The following RAB35 variants were observed in gnomAD, a reference collection of about 807,000 sequenced individuals.
RAB35 encodes RAB35, member RAS oncogene family.
In RAB35, 4 loss-of-function variants were observed where a neutral mutation model predicts 28.9. The ratio of observed to expected loss-of-function variants is 0.14; its 90% CI spans 0.07 to 0.32. The LOEUF (loss-of-function observed/expected upper bound fraction) is 0.32. Among genes scored for constraint, RAB35 ranks in the 10% least tolerant of loss-of-function variants. The pLI is 1.00. For missense variants in RAB35, 128 were observed against 274.0 expected, an observed-to-expected ratio of 0.47 and a Z score of 3.76; for synonymous variants, 99 against 105.1, an observed-to-expected ratio of 0.94 and a Z score of 0.35.
rs1566280910 is a variant in RAB35 at position 120,097,187 on chromosome 12, G to A, written c.*58C>T. The A allele has an allele frequency of 8.7e-6, 14 of 1,613,714 alleles. No individual in the cohort carries two copies. Among genetic ancestry groups the A allele is most frequent in the African/African-American group, 4.0e-5 (3 of 74,920 alleles). ...TGAGACTGTCCCCCGAGGAACCTCC[G>A]TGGGCCTCGGGCTGGGGGAGGGACC... On this transcript the variant is annotated 3_prime_UTR_variant, in exon 6 of 6. Coordinates refer to ENST00000229340, the MANE Select transcript of RAB35 (RefSeq NM_006861.7).
intron 3 of RAB35, among the ~76,000 whole-genome samples, chr12:120,101,475 G>C (rs1245874697): frequency 1.3e-5 from 2 of 152,184 alleles, no homozygotes; most frequent in African/African-American, 4.8e-5. Context: ...TGACCACAAG[G>C]CTTTTTCTCG....
At chr12:120,113,191 C>CT (rs545607204) in intron 1 of RAB35, among the ~76,000 whole-genome samples, 3,429 of 132,074 alleles carry the variant, frequency 0.026, 59 homozygotes, top group Non-Finnish European at 0.036. Context: ...TGTGCCCGGC[C>CT]TTTTTTTTTT....
At chr12:120,098,028 C>G (rs1451506355) in intron 5 of RAB35, among the ~76,000 whole-genome samples, 1 of 151,998 alleles carries the variant, frequency 6.6e-6, no homozygotes, top group African/African-American at 2.4e-5. Context: ...GGACTACAGG[C>G]GCCCACCACC....
rs1875376992 is a variant in RAB35, at chr12:120,096,094, G to C, written c.*1151C>G. 3.8e-6 allele frequency: 1 copy of C among 265,038 alleles called. No individual in the cohort carries two copies. Among genetic ancestry groups the C allele is most frequent in the African/African-American group, 2.3e-5 (1 of 44,006 alleles). The allele number at this position is 265,038 out of a possible 1,614,324, so 16.4% of individuals were successfully genotyped here. On this transcript the variant is annotated 3_prime_UTR_variant, in exon 6 of 6. Coordinates refer to ENST00000229340, the MANE Select transcript of RAB35 (RefSeq NM_006861.7). ...GCTACCTTTGTCCTGACAAAGGTTAGGACAGTGACCAGGGCCTGTCCATGG... is the reference window on the plus strand; with the variant it reads ...GCTACCTTTGTCCTGACAAAGGTTACGACAGTGACCAGGGCCTGTCCATGG...
chr12:120,104,659 G>C (rs781312422), intron 2 of RAB35, among the ~76,000 whole-genome samples: 2 of 152,158 alleles, frequency 1.3e-5, no homozygotes, highest in Non-Finnish European at 2.9e-5. Flanking sequence ...TTTTGGTGGG[G>C]GGGGGACAGC....
intron 1 of RAB35, among the ~76,000 whole-genome samples, chr12:120,109,345 C>T (rs113901290): frequency 0.018 from 2,692 of 152,172 alleles, 77 homozygotes; most frequent in African/African-American, 0.061. Context: ...CCCAGCTACT[C>T]GGGAGACTGA....
At chr12:120,110,548 T>C (rs1232116969) in intron 1 of RAB35, among the ~76,000 whole-genome samples, 1 of 152,078 alleles carries the variant, frequency 6.6e-6, no homozygotes, top group Non-Finnish European at 1.5e-5. Context: ...AGCCACTGCA[T>C]TTGGCTCCAC....
intron 1 of RAB35, among the ~76,000 whole-genome samples, chr12:120,112,319 C>T (rs2139062581): frequency 1.3e-5 from 2 of 152,206 alleles, no homozygotes; most frequent in Middle Eastern, 6.8e-3. Flanking sequence ...CCACGCAAGC[C>T]ACACACATGT....
At chr12:120,108,777 G>A (rs781106856) in intron 1 of RAB35, 12 of 529,756 alleles carry the variant, frequency 2.3e-5, no homozygotes, top group Non-Finnish European at 3.5e-5. Context: ...GATGCCAGAC[G>A]ACAAAGCAGA....
At chr12:120,107,286 T>A (rs1321871161) in intron 2 of RAB35, among the ~76,000 whole-genome samples, 2 of 152,148 alleles carry the variant, frequency 1.3e-5, no homozygotes, top group Non-Finnish European at 2.9e-5. Flanking sequence ...CGCACCCGGC[T>A]GAACCTGATG....
intron 2 of RAB35, among the ~76,000 whole-genome samples, chr12:120,105,130 G>C (rs1373382413): frequency 6.6e-6 from 1 of 152,182 alleles, no homozygotes; most frequent in African/African-American, 2.4e-5. Context: ...AGGTGGGGTG[G>C]GGAACAAGGC....
At chr12:120,116,199 C>T (rs867052552) in intron 1 of RAB35, among the ~76,000 whole-genome samples, 12 of 152,202 alleles carry the variant, frequency 7.9e-5, no homozygotes, top group Admixed American at 2.0e-4. Flanking sequence ...CGAATCCTCA[C>T]ACCACCCAGC....
chr12:120,110,857 G>T (rs1041936392), intron 1 of RAB35, among the ~76,000 whole-genome samples: 1 of 152,226 alleles, frequency 6.6e-6, no homozygotes, highest in Non-Finnish European at 1.5e-5. Flanking sequence ...CATGCTCAGG[G>T]CCACTTCCTC....
chr12:120,111,888 C>A (rs1876132300), intron 1 of RAB35, among the ~76,000 whole-genome samples: 1 of 152,090 alleles, frequency 6.6e-6, no homozygotes, highest in South Asian at 2.1e-4. Flanking sequence ...AGTGTCAGGG[C>A]AGGAGCAGAG....
chr12:120,109,541 C>A (rs1876027763), intron 1 of RAB35, among the ~76,000 whole-genome samples: 1 of 152,092 alleles, frequency 6.6e-6, no homozygotes, highest in African/African-American at 2.4e-5. Context: ...AACTCCTAGG[C>A]TCAAGTGATC....
At chr12:120,110,281 G>C (rs911992750) in intron 1 of RAB35, among the ~76,000 whole-genome samples, 8 of 47,654 alleles carry the variant, frequency 1.7e-4, no homozygotes, top group Admixed American at 1.7e-3. Flanking sequence ...CATGGGAGAA[G>C]CCCACAGCAT....
rs1875391625 is a variant in RAB35, at chr12:120,096,383, T to C, written c.*862A>G. On this transcript the variant is annotated 3_prime_UTR_variant, in exon 6 of 6. Transcript: ENST00000229340. ...AAGAAAATAATTGTGAGGAATTTAA[T>C]TCACTTGATTTGGCTTCATTTTCTT... The C allele has an allele frequency of 8.1e-7, 1 of 1,240,386 alleles. No individual in the cohort carries two copies. The allele number at this position is 1,240,386 out of a possible 1,614,324, so 76.8% of individuals were successfully genotyped here. A position where few individuals can be genotyped will look rare whatever the true frequency, so the allele number is the denominator to read the frequency against.
At chr12:120,109,789 C>A (rs990715562) in intron 1 of RAB35, among the ~76,000 whole-genome samples, 1 of 152,008 alleles carries the variant, frequency 6.6e-6, no homozygotes, top group Non-Finnish European at 1.5e-5. Context: ...CAGGCATGAG[C>A]CACTGCGCCT....
rs758145574 is a variant in RAB35, at chr12:120,096,838, G to T, written c.*407C>A. ...CGTGCCGCTGTCTCCTCAGGACGCT[G>T]CTTGCAGTAAGATGGGCTGGGGAGG... On this transcript the variant is annotated 3_prime_UTR_variant, in exon 6 of 6. Transcript: ENST00000229340. 9 of 1,296,518 alleles carry T rather than the reference G, an allele frequency of 6.9e-6. No individual in the cohort carries two copies. The highest frequency in any genetic ancestry group is 9.1e-6 in the Non-Finnish European group (9 of 993,372). 80.3% of individuals were successfully genotyped at this position (1,296,518 alleles called of 1,614,324 possible).
Sources: gnomAD v4.1 joint callset for allele counts (sites outside exome capture counted in the v4.1 genomes callset) on GRCh38, gnomAD v4.1.1 for gene constraint, MANE v1.5 for transcripts, NCBI Gene and HGNC (gene_info 2026-07-23, HGNC 2026-07-21) for gene names.